Variants in PRRC2B observed in about 807,000 individuals in gnomAD.
PRRC2B encodes proline rich coiled-coil 2B, also known as protein PRRC2B.
PRRC2B carries 68 observed loss-of-function variants against 242.3 expected under a neutral mutation model. The observed-to-expected ratio is 0.28, with a 90% CI of 0.23 to 0.34. The LOEUF (loss-of-function observed/expected upper bound fraction) is 0.34, where lower values mean the gene tolerates loss of function less well. PRRC2B is among the 10% of genes least tolerant of loss of function. The pLI is 1.00. For missense variants in PRRC2B, 2,835 were observed against 2,954.8 expected (o/e 0.96, Z 0.94); for synonymous variants, 1,228 against 1,173.6 (o/e 1.05, Z -0.95).
chr9:131,389,809 C>T (rs1836874025), upstream of PRRC2B, among the ~76,000 whole-genome samples: 1 of 149,780 alleles, frequency 6.7e-6, no homozygotes, highest in Non-Finnish European at 1.5e-5. Flanking sequence ...TGGAGAGACA[C>T]CACAGTGCTC....
intron 1 of PRRC2B, among the ~76,000 whole-genome samples, chr9:131,382,139 C>G (rs567585610): frequency 4.6e-5 from 7 of 152,258 alleles, no homozygotes; most frequent in African/African-American, 1.4e-4. Context: ...GCCTCAGCTG[C>G]CCAAGTAGCT....
chr9:131,490,917 A>C lies in PRRC2B; in HGVS notation c.6226-508A>C, dbSNP rs1298199135. 1.0e-5 allele frequency: 3 copies of C among 300,910 alleles called. No individual in the cohort carries two copies. The East Asian group carries it at 2.4e-4, about 24-fold the overall frequency. 18.6% of individuals were successfully genotyped at this position (300,910 alleles called of 1,614,324 possible). A position where few individuals can be genotyped will look rare whatever the true frequency, so the allele number is the denominator to read the frequency against. On this transcript the variant is annotated intron_variant, in intron 28 of 31. Coordinates refer to ENST00000683519, the MANE Select transcript of PRRC2B (RefSeq NM_013318.4). Reference sequence around the variant, plus strand: ...CCCACCCCGCCCCGTGTGCACCCATAAATCTGGTGTGCACCCACAGATCCT... The same window carrying C: ...CCCACCCCGCCCCGTGTGCACCCATCAATCTGGTGTGCACCCACAGATCCT...
At chr9:131,467,790 G>C in intron 13 of PRRC2B, 37 bp downstream of exon 13, 1 of 1,603,674 alleles carries the variant, frequency 6.2e-7, no homozygotes, top group Non-Finnish European at 8.5e-7. Flanking sequence ...GTGATAAACA[G>C]GCCTGAGTGC....
At chr9:131,427,397 C>T (rs1233293045) in intron 1 of PRRC2B, among the ~76,000 whole-genome samples, 6 of 152,190 alleles carry the variant, frequency 3.9e-5, no homozygotes, top group Non-Finnish European at 7.4e-5. Flanking sequence ...GTGGTGCGAT[C>T]TCAGCTCACT....
chr9:131,485,240 G>GTAT, intron 25 of PRRC2B, 100 bp downstream of exon 25: 1 of 1,023,002 alleles, frequency 9.8e-7, no homozygotes, highest in South Asian at 1.7e-5. Context: ...CTTGTCTTAA[G>GTAT]TAGCATGTAG....
chr9:131,459,458 TTTC>T (rs1321729614), intron 11 of PRRC2B, 102 bp downstream of exon 11: 1 of 1,004,104 alleles, frequency 1.0e-6, no homozygotes, highest in Non-Finnish European at 1.4e-6. Context: ...CATTTTTATA[TTTC>T]TTCTTTTGTT....
Position 131,495,858 on chromosome 9 carries a change from A to AGG in PRRC2B, c.6675_6676dup (p.Glu2226GlyfsTer74). On this transcript the variant is annotated frameshift_variant, in exon 32 of 32. Coordinates refer to ENST00000683519, the MANE Select transcript of PRRC2B (RefSeq NM_013318.4). LOFTEE classifies it high-confidence loss of function. ...ATCAAGCCTCGGGCTGTCAAAGTGGAGGAGAGTAAGGCCTGACAGTGCCTG... is the reference window on the plus strand; with the variant it reads ...ATCAAGCCTCGGGCTGTCAAAGTGGAGGGGAGAGTAAGGCCTGACAGTGCCTG... 6.2e-7 allele frequency: 1 copy of AGG among 1,608,760 alleles called. No homozygotes were observed. The highest frequency in any genetic ancestry group is 8.5e-7 in the Non-Finnish European group (1 of 1,175,878).
chr9:131,395,114 C>T (rs1464495833), intron 1 of PRRC2B, among the ~76,000 whole-genome samples: 2 of 151,762 alleles, frequency 1.3e-5, no homozygotes, highest in Non-Finnish European at 1.5e-5. Flanking sequence ...CGTGGGAGGT[C>T]GGAGCCCACC....
chr9:131,417,711 A>G (rs1011670945), intron 1 of PRRC2B, among the ~76,000 whole-genome samples: 2 of 152,286 alleles, frequency 1.3e-5, no homozygotes, highest in African/African-American at 2.4e-5. Flanking sequence ...TCTTTCTGCC[A>G]TGTTTAACCA....
chr9:131,452,190 C>T (rs1942943507), intron 9 of PRRC2B, among the ~76,000 whole-genome samples: 2 of 152,138 alleles, frequency 1.3e-5, no homozygotes, highest in Admixed American at 6.5e-5. Context: ...CTCACTTTGT[C>T]ACCCAGGCTG....
At chr9:131,423,789 T>A (rs1164405375) in intron 1 of PRRC2B, among the ~76,000 whole-genome samples, 3 of 151,886 alleles carry the variant, frequency 2.0e-5, no homozygotes, top group African/African-American at 7.3e-5. Flanking sequence ...CTGTGGAGAG[T>A]GTAATTGTCC....
chr9:131,410,966 T>G (rs1054240845), intron 1 of PRRC2B, among the ~76,000 whole-genome samples: 14 of 152,134 alleles, frequency 9.2e-5, no homozygotes, highest in Non-Finnish European at 1.8e-4. Flanking sequence ...GAGTACAGAT[T>G]TATTTTTGCT....
At position 131,468,615 on chromosome 9, in the gene PRRC2B, C is replaced by T. The variant is rs990372379; in HGVS notation, c.1911+862C>T. 2.6e-5 allele frequency among the ~76,000 whole-genome samples: 4 copies of T among 151,982 alleles called. No homozygotes were observed. The East Asian group carries it at 7.7e-4, about 29-fold the overall frequency. On this transcript the variant is annotated intron_variant, in intron 13 of 31. Coordinates refer to ENST00000683519, the MANE Select transcript of PRRC2B (RefSeq NM_013318.4). The stretch of plus-strand genomic sequence containing the variant: ...GTAATAAGTAAGGGAACACAGTAGT[C>T]AATACTAAGGAATAGTGCATTTTGG...
At chr9:131,459,434 G>C in intron 11 of PRRC2B, 78 bp downstream of exon 11, 1 of 1,172,260 alleles carries the variant, frequency 8.5e-7, no homozygotes, top group Non-Finnish European at 1.2e-6. Context: ...AGTCCTAAGT[G>C]GGCATTTCTT....
rs561788392 is a variant in PRRC2B at position 131,485,651 on chromosome 9, G to A, written c.5759-434G>A. ...CAAGGGGAAGCGTGGGGGTTTTGAG[G>A]GCCCAGCTGCCAGTCTCAGTGATGT... On this transcript the variant is annotated intron_variant, in intron 25 of 31. Transcript: ENST00000683519. 7.4e-4 allele frequency: 399 copies of A among 535,792 alleles called. 9 individuals are homozygous for A. Among genetic ancestry groups the A allele is most frequent in the South Asian group, 5.5e-3 (394 of 71,724 alleles). 33.2% of individuals were successfully genotyped at this position (535,792 alleles called of 1,614,324 possible). A position where few individuals can be genotyped will look rare whatever the true frequency, so the allele number is the denominator to read the frequency against.
At chr9:131,415,610 C>T (rs1485873235) in intron 1 of PRRC2B, among the ~76,000 whole-genome samples, 6 of 152,204 alleles carry the variant, frequency 3.9e-5, no homozygotes, top group Non-Finnish European at 7.3e-5. Flanking sequence ...TCTGTCCCTA[C>T]ACTTGACTTG....
At position 131,447,900 on chromosome 9, in the gene PRRC2B, C is replaced by T. The variant is rs570672604; in HGVS notation, c.1120+96C>T. The T allele has an allele frequency of 6.4e-4, 873 of 1,367,364 alleles. 17 individuals are homozygous for T. In the South Asian group the frequency reaches 0.013, roughly 20 times the overall value. 84.7% of individuals were successfully genotyped at this position (1,367,364 alleles called of 1,614,324 possible). A position where few individuals can be genotyped will look rare whatever the true frequency, so the allele number is the denominator to read the frequency against. On this transcript the variant is annotated intron_variant, in intron 9 of 31. Coordinates refer to ENST00000683519, the MANE Select transcript of PRRC2B (RefSeq NM_013318.4). The stretch of plus-strand genomic sequence containing the variant: ...CCCCCTGGCACCACCGTGTGTTTTC[C>T]CTTGGCAAGATAGGGATGAAGAGCC...
chr9:131,390,920 G>A (rs541838402), upstream of PRRC2B, among the ~76,000 whole-genome samples: 1 of 151,720 alleles, frequency 6.6e-6, no homozygotes, highest in African/African-American at 2.4e-5. Flanking sequence ...TTGAGTAGCT[G>A]GGATTACAGG....
At chr9:131,403,208 C>CG (rs1837270950) in intron 1 of PRRC2B, among the ~76,000 whole-genome samples, 1 of 152,110 alleles carries the variant, frequency 6.6e-6, no homozygotes, top group African/African-American at 2.4e-5. Context: ...ACCGACCTGT[C>CG]GGTGGACTGA....
Sources: gnomAD v4.1 joint callset for allele counts (sites outside exome capture counted in the v4.1 genomes callset) on GRCh38, gnomAD v4.1.1 for gene constraint, MANE v1.5 for transcripts, NCBI Gene and HGNC (gene_info 2026-07-23, HGNC 2026-07-21) for gene names.